DIP2A: variants seen among roughly 807,000 people sequenced by gnomAD.
DIP2A encodes the protein disco-interacting protein 2 homolog A.
DIP2A carries 85 observed loss-of-function variants against 177.4 expected under a neutral mutation model. The ratio of observed to expected loss-of-function variants is 0.48; its 90% CI spans 0.40 to 0.57. The LOEUF (loss-of-function observed/expected upper bound fraction) is 0.57. Among genes scored for constraint, DIP2A ranks in the 20% least tolerant of loss-of-function variants. The pLI is 0.00. For missense variants in DIP2A, 1,791 were observed against 2,100.2 expected (o/e 0.85, Z 2.88); for synonymous variants, 886 against 881.8 (o/e 1.00, Z -0.08).
intron 5 of DIP2A, among the ~76,000 whole-genome samples, chr21:46,502,343 G>C (rs1413855733): frequency 4.0e-5 from 6 of 151,122 alleles, no homozygotes; most frequent in Non-Finnish European, 7.4e-5. Flanking sequence ...TGTTGCCCAG[G>C]CTGATCTCAA....
At position 46,511,424 on chromosome 21, in the gene DIP2A, A is replaced by T; in HGVS notation, c.912A>T (p.Gln304His). ...DDFEELLEVQ[Q>H]PDPNQPKPEG... ...TTTTGATTTTGCTTGTAGTTCAGCAACCAGATCCAAATCAGCCAAAGCCTG... is the reference window on the plus strand; with the variant it reads ...TTTTGATTTTGCTTGTAGTTCAGCATCCAGATCCAAATCAGCCAAAGCCTG... Residue 304 changes from glutamine to histidine, a missense_variant, in exon 8 of 38, where the codon CAA becomes CAT. Transcript: ENST00000417564. 6.2e-7 allele frequency: 1 copy of T among 1,608,982 alleles called. No individual in the cohort carries two copies. The highest frequency in any genetic ancestry group is 8.5e-7 in the Non-Finnish European group (1 of 1,177,762).
In DIP2A at chr21:46,507,692, C is replaced by CT. The variant is rs34594717; in HGVS notation, c.785-1539dup. ...TGCTTTTTTTTTTTAATTTTCTGTT[C>CT]TTTTTTTTTTTTTTTTTTTTTTTTT... On this transcript the variant is annotated intron_variant, in intron 6 of 37. Coordinates refer to ENST00000417564, the MANE Select transcript of DIP2A (RefSeq NM_015151.4). Among the ~76,000 whole-genome samples the CT allele has an allele frequency of 3.0e-3, 133 of 43,952 alleles. 10 individuals carry two copies. In the East Asian group the frequency reaches 0.044, roughly 14 times the overall value. The allele number at this position is 43,952 out of a possible 152,430, so 28.8% of individuals were successfully genotyped here.
At chr21:46,545,404 G>C (rs1334341383) in intron 19 of DIP2A, 131 bp downstream of exon 19, 11 of 1,118,268 alleles carry the variant, frequency 9.8e-6, no homozygotes, top group Non-Finnish European at 1.4e-5. Flanking sequence ...CGCTGCTGGG[G>C]CTGTTGGCAC....
chr21:46,464,380 C>G (rs528769297), intron 1 of DIP2A, among the ~76,000 whole-genome samples: 3 of 152,052 alleles, frequency 2.0e-5, no homozygotes, highest in Non-Finnish European at 2.9e-5. Flanking sequence ...GCAACAAGAG[C>G]GAAACTTCGT....
chr21:46,543,286 T>C (rs1402059818), intron 18 of DIP2A, among the ~76,000 whole-genome samples: 2 of 152,232 alleles, frequency 1.3e-5, no homozygotes, highest in African/African-American at 4.8e-5. Context: ...GGTAAGTGTT[T>C]AAACTTCCCT....
chr21:46,466,875 G>T (rs1436288523), intron 1 of DIP2A, among the ~76,000 whole-genome samples: 1 of 151,960 alleles, frequency 6.6e-6, no homozygotes, highest in Non-Finnish European at 1.5e-5. Flanking sequence ...TGAAGCCAGA[G>T]TTAAAGCAAC....
the DIP2A span, among the ~76,000 whole-genome samples, chr21:46,582,496 A>G: frequency 6.6e-6 from 1 of 152,264 alleles, no homozygotes; most frequent in East Asian, 1.9e-4. Context: ...AGATCTGTGG[A>G]AAAAACATGG....
At position 46,538,594 on chromosome 21, in the gene DIP2A, C is replaced by A; in HGVS notation, c.1913C>A (p.Ala638Asp). 6.4e-7 allele frequency: 1 copy of A among 1,552,728 alleles called. No homozygotes were observed. The highest frequency in any genetic ancestry group is 8.7e-7 in the Non-Finnish European group (1 of 1,149,888). ...CGCATGCTGATTGTGGCCGATGGTG[C>A]CAACCCGTGTGAGTGAGCCTGTGTG... ...SLRMLIVADG[A>D]NPWSISSCDA... The change falls in exon 16 of 38, where the codon GCC becomes GAC. Residue 638 changes from alanine to aspartate, a missense_variant. Ala to Asp is a moderately radical substitution (Grantham distance 126). Coordinates refer to ENST00000417564, the MANE Select transcript of DIP2A (RefSeq NM_015151.4).
chr21:46,488,766 G>C (rs1282765740), intron 2 of DIP2A, among the ~76,000 whole-genome samples: 1 of 152,120 alleles, frequency 6.6e-6, no homozygotes, highest in African/African-American at 2.4e-5. Context: ...TTTTTGGAAA[G>C]TTATCTCTTC....
In DIP2A at chr21:46,537,312, A is replaced by G. The variant is rs1341145698; in HGVS notation, c.1707+24A>G. The G allele has an allele frequency of 1.9e-6, 3 of 1,613,224 alleles. No homozygotes were observed. Among genetic ancestry groups the G allele is most frequent in the East Asian group, 4.5e-5 (2 of 44,872 alleles). On this transcript the variant is annotated intron_variant, in intron 14 of 37. Transcript: ENST00000417564. The surrounding 1 kb of genome is among the most constrained non-coding windows in gnomAD (Gnocchi z 4.1). The stretch of plus-strand genomic sequence containing the variant: ...CAGTGAGTGTTGTTTGCTGATGACT[A>G]ACTGTTGGAACAAGGGATTGAGATG...
rs377497166 is a variant in DIP2A at position 46,539,980 on chromosome 21, C to T, written c.2025C>T (p.Val675=). ...PCASSPEALT[V]AIRRPPDLGG... Reference sequence around the variant, plus strand: ...CAAGTTCTCCTGAGGCGCTGACTGTCGCCATCCGCAGGTAACCTTATTCCT... The same window carrying T: ...CAAGTTCTCCTGAGGCGCTGACTGTTGCCATCCGCAGGTAACCTTATTCCT... Residue 675 remains valine, a synonymous_variant, in exon 17 of 38, where the codon GTC becomes GTT. Transcript: ENST00000417564. 26 of 1,613,712 alleles carry T rather than the reference C, an allele frequency of 1.6e-5. No individual in the cohort carries two copies. The highest frequency in any genetic ancestry group is 1.7e-5 in the Non-Finnish European group (20 of 1,179,732).
the DIP2A span, among the ~76,000 whole-genome samples, chr21:46,583,036 A>G: frequency 6.6e-6 from 1 of 152,178 alleles, no homozygotes. Context: ...AAAGATACAA[A>G]TAGACTGACA....
rs114974188 is a variant in DIP2A, at chr21:46,486,590, C to A, written c.163+1762C>A. On this transcript the variant is annotated intron_variant, in intron 2 of 37. Coordinates refer to ENST00000417564, the MANE Select transcript of DIP2A (RefSeq NM_015151.4). ...GGATGAAGATTCAAATAGGTTATTTCATAAGAGGAAATCCAAATAGCCAAT... is the reference window on the plus strand; with the variant it reads ...GGATGAAGATTCAAATAGGTTATTTAATAAGAGGAAATCCAAATAGCCAAT... Among the ~76,000 whole-genome samples, 699 of 152,260 alleles carry A rather than the reference C, an allele frequency of 4.6e-3. 6 individuals carry two copies. Among genetic ancestry groups the A allele is most frequent in the African/African-American group, 0.016 (673 of 41,556 alleles).
At chr21:46,550,394 C>G in intron 22 of DIP2A, 149 bp from the exon 23 acceptor site, 1 of 725,198 alleles carries the variant, frequency 1.4e-6, no homozygotes, top group Non-Finnish European at 2.3e-6. Flanking sequence ...TTCTCTTCAT[C>G]TTGTTTCCTC....
At chr21:46,484,330 T>A (rs1002368481) in intron 1 of DIP2A, among the ~76,000 whole-genome samples, 11 of 152,200 alleles carry the variant, frequency 7.2e-5, no homozygotes, top group Non-Finnish European at 1.0e-4. Flanking sequence ...GGTACAGATT[T>A]TTGACAAACG....
chr21:46,570,075 T>TA (rs2148933478), downstream of DIP2A, among the ~76,000 whole-genome samples: 3 of 152,300 alleles, frequency 2.0e-5, no homozygotes, highest in African/African-American at 7.2e-5. Context: ...CATGAGTAAA[T>TA]GTAGTATTTG....
chr21:46,481,784 C>T (rs2088050365), intron 1 of DIP2A, among the ~76,000 whole-genome samples: 1 of 152,194 alleles, frequency 6.6e-6, no homozygotes, highest in African/African-American at 2.4e-5. Flanking sequence ...GGTGCAGTGG[C>T]TCACACCTGT....
At position 46,558,370 on chromosome 21, in the gene DIP2A, G is replaced by T; in HGVS notation, c.3946G>T (p.Val1316Phe). 6.3e-7 allele frequency: 1 copy of T among 1,596,756 alleles called. No homozygotes were observed. The change falls in exon 32 of 38, where the codon GTC becomes TTC. Residue 1316 changes from valine to phenylalanine, a missense_variant. By Grantham distance (50) the Val-to-Phe change is conservative. Coordinates refer to ENST00000417564, the MANE Select transcript of DIP2A (RefSeq NM_015151.4). Reference sequence around the variant, plus strand: ...CGTAAGCACCACGTTCGGGTGCAGGGTCAACGTGGCCATCTGCCTCCAGGT... The same window carrying T: ...CGTAAGCACCACGTTCGGGTGCAGGTTCAACGTGGCCATCTGCCTCCAGGT... ...RAVSTTFGCRVNVAICLQGTA... is the reference protein window; with the variant it reads ...RAVSTTFGCRFNVAICLQGTA...
At chr21:46,459,542 C>A (rs1156864472) in intron 1 of DIP2A, among the ~76,000 whole-genome samples, 4 of 118,708 alleles carry the variant, frequency 3.4e-5, no homozygotes, top group Non-Finnish European at 5.6e-5. Context: ...ACCCCCGGGA[C>A]CTCCTGCCCC....
Sources: gnomAD v4.1 joint callset for allele counts (sites outside exome capture counted in the v4.1 genomes callset) on GRCh38, gnomAD v4.1.1 for gene constraint, Gnocchi (gnomAD v3.1) non-coding constraint, MANE v1.5 for transcripts, NCBI Gene and HGNC (gene_info 2026-07-23, HGNC 2026-07-21) for gene names.